PDCD6: variants seen among roughly 807,000 people sequenced by gnomAD.
PDCD6 encodes programmed cell death 6.
A neutral mutation model predicts 28.3 loss-of-function variants in PDCD6; 12 were observed. The observed-to-expected ratio is 0.42, with a 90% confidence interval of 0.27 to 0.69. PDCD6 has a LOEUF of 0.69. Among genes scored for constraint, PDCD6 ranks in the 30% least tolerant of loss-of-function variants. PDCD6 has a pLI of 0.22. For synonymous variants in PDCD6, 92 were observed against 108.0 expected (o/e 0.85, Z 0.92); for missense variants, 226 against 269.9 (o/e 0.84, Z 1.14).
chr5:289,876 A>T, intron 2 of PDCD6: 2 of 1,510,390 alleles, frequency 1.3e-6, no homozygotes, highest in Non-Finnish European at 9.2e-7. Flanking sequence ...AACACCATTC[A>T]TTCGATTTAA....
intron 3 of PDCD6, 73 bp from the exon 4 acceptor site, chr5:306,529 G>GCCA (rs1740498366): frequency 6.5e-7 from 1 of 1,544,860 alleles, no homozygotes; most frequent in Admixed American, 1.7e-5. Context: ...TGAGGGCTGA[G>GCCA]GTCTGGTGGG....
chr5:271,679 T>A lies in PDCD6; in HGVS notation c.-42T>A. On this transcript the variant is annotated 5_prime_UTR_variant, in exon 1 of 6. Coordinates refer to ENST00000264933, the MANE Select transcript of PDCD6 (RefSeq NM_013232.4). ...AAGCGGAGTCGGCCTGAGAGGTCTCTCGTCGCTGCAGGCGCCTCAGCCCAG... is the reference window on the plus strand; with the variant it reads ...AAGCGGAGTCGGCCTGAGAGGTCTCACGTCGCTGCAGGCGCCTCAGCCCAG... The A allele has an allele frequency of 8.3e-7, 1 of 1,206,572 alleles. No individual in the cohort carries two copies. The highest frequency in any genetic ancestry group is 1.2e-6 in the Non-Finnish European group (1 of 848,486). 74.7% of individuals were successfully genotyped at this position (1,206,572 alleles called of 1,614,324 possible).
At chr5:287,376 T>A (rs1380982728) in intron 2 of PDCD6, among the ~76,000 whole-genome samples, 1 of 152,142 alleles carries the variant, frequency 6.6e-6, no homozygotes, top group Non-Finnish European at 1.5e-5. Flanking sequence ...TGTAGCTGAA[T>A]CCCAAGCAAG....
chr5:284,032 T>C (rs2032149278), intron 2 of PDCD6, among the ~76,000 whole-genome samples: 1 of 147,228 alleles, frequency 6.8e-6, no homozygotes, highest in Admixed American at 6.7e-5. Flanking sequence ...GGGTGGAGCT[T>C]ATGTTGTTTG....
chr5:291,087 G>A (rs2126721283), intron 2 of PDCD6, among the ~76,000 whole-genome samples: 1 of 152,246 alleles, frequency 6.6e-6, no homozygotes, highest in Middle Eastern at 3.4e-3. Context: ...CCCTGCCTGA[G>A]TCCCGGGTCC....
chr5:288,602 C>A (rs1414655722), intron 2 of PDCD6, among the ~76,000 whole-genome samples: 12 of 137,368 alleles, frequency 8.7e-5, no homozygotes, highest in Admixed American at 3.5e-4. Flanking sequence ...TTTGCCCAGA[C>A]CAAAAGAAAG....
chr5:311,314 T>A lies in PDCD6; in HGVS notation c.389T>A (p.Phe130Tyr). The change falls in exon 5 of 6, where the codon TTC becomes TAC. Residue 130 changes from phenylalanine (F) to tyrosine (Y), a missense_variant. Phe to Tyr is a conservative substitution (Grantham distance 22). Around this residue, in one of 3 missense-constraint regions of PDCD6, gnomAD observed 151 missense variants for 177.2 expected, o/e 0.85. Transcript: ENST00000264933. ...GAAGGCTACCGGCTCTCTGACCAGT[T>A]CCACGACATCCTCATTCGAAAGTTT... ...SGFGYRLSDQ[F>Y]HDILIRKFDR... is the part of the protein sequence containing the mutation. 1.2e-6 allele frequency: 2 copies of A among 1,614,110 alleles called. No individual in the cohort carries two copies. Among genetic ancestry groups the A allele is most frequent in the Non-Finnish European group, 1.7e-6 (2 of 1,179,986 alleles).
chr5:299,967 G>C (rs1739950109), intron 2 of PDCD6, among the ~76,000 whole-genome samples: 1 of 152,106 alleles, frequency 6.6e-6, no homozygotes, highest in Non-Finnish European at 1.5e-5. Context: ...TAAAGTACAT[G>C]TCCAGTCCCA....
intron 2 of PDCD6, among the ~76,000 whole-genome samples, chr5:281,209 CAA>C (rs1408255032): frequency 6.6e-6 from 1 of 152,198 alleles, no homozygotes; most frequent in Non-Finnish European, 1.5e-5. Context: ...GATTTGAAAA[CAA>C]AACATTTATT....
chr5:272,652 T>A, intron 1 of PDCD6, 59 bp from the exon 2 acceptor site: 1 of 1,539,050 alleles, frequency 6.5e-7, no homozygotes, highest in Non-Finnish European at 8.8e-7. Context: ...CAGAAGACGT[T>A]TGTTTTGCTT....
intron 2 of PDCD6, among the ~76,000 whole-genome samples, chr5:285,522 G>C (rs1197129526): frequency 3.9e-5 from 6 of 151,916 alleles, no homozygotes; most frequent in Non-Finnish European, 5.9e-5. Flanking sequence ...ACCTGGTGGG[G>C]AGCTGATGTT....
intron 2 of PDCD6, among the ~76,000 whole-genome samples, chr5:301,771 C>T (rs1740070441): frequency 6.6e-6 from 1 of 150,450 alleles, no homozygotes; most frequent in South Asian, 2.1e-4. Flanking sequence ...GAGGGTGGGT[C>T]GTGGAGTGCT....
intron 2 of PDCD6, among the ~76,000 whole-genome samples, chr5:294,950 C>T (rs998512109): frequency 1.3e-5 from 2 of 152,102 alleles, no homozygotes; most frequent in African/African-American, 2.4e-5. Context: ...GATGCCGCCA[C>T]GTGACATCTT....
At chr5:299,462 A>G (rs918378565) in intron 2 of PDCD6, among the ~76,000 whole-genome samples, 1 of 151,130 alleles carries the variant, frequency 6.6e-6, no homozygotes, top group African/African-American at 2.4e-5. Context: ...TTCCCAAAAC[A>G]TCTTGGAATT....
At chr5:306,867 G>A (rs1390030304) in intron 4 of PDCD6, 107 bp downstream of exon 4, 31 of 1,188,074 alleles carry the variant, frequency 2.6e-5, no homozygotes, top group African/African-American at 6.0e-5. Flanking sequence ...ACCAGGCTAC[G>A]TAAAGTTTTT....
At chr5:271,867 G>C (rs1343755927) in intron 1 of PDCD6, 46 bp downstream of exon 1, 2 of 1,133,970 alleles carry the variant, frequency 1.8e-6, no homozygotes, top group African/African-American at 3.3e-5. Flanking sequence ...CGCCGCGGCG[G>C]CCCCGACCCC....
At chr5:275,045 C>T in intron 2 of PDCD6, among the ~76,000 whole-genome samples, 1 of 99,060 alleles carries the variant, frequency 1.0e-5, no homozygotes, top group South Asian at 3.3e-4. Context: ...CCCCCTTTAC[C>T]TTGGGCTCTG....
intron 2 of PDCD6, among the ~76,000 whole-genome samples, chr5:295,072 A>C (rs1739524015): frequency 6.6e-6 from 1 of 152,170 alleles, no homozygotes; most frequent in Admixed American, 6.5e-5. Context: ...CCTGCACCTC[A>C]CTGTGGGCTG....
chr5:271,662 T>G lies in PDCD6; in HGVS notation c.-59T>G. 3 of 981,822 alleles carry G rather than the reference T, an allele frequency of 3.1e-6. No individual in the cohort carries two copies. Among genetic ancestry groups the G allele is most frequent in the Non-Finnish European group, 4.7e-6 (3 of 644,906 alleles). The allele number at this position is 981,822 out of a possible 1,614,324, so 60.8% of individuals were successfully genotyped here. On this transcript the variant is annotated 5_prime_UTR_variant, in exon 1 of 6. Coordinates refer to ENST00000264933, the MANE Select transcript of PDCD6 (RefSeq NM_013232.4). ...GCCCCCGGCAGAGGCGGAAGCGGAG[T>G]CGGCCTGAGAGGTCTCTCGTCGCTG...
Sources: allele counts gnomAD v4.1 joint callset (sites outside exome capture counted in the v4.1 genomes callset), GRCh38; gene constraint gnomAD v4.1.1; regional missense constraint gnomAD v4.1.1; transcripts MANE v1.5; gene names NCBI Gene and HGNC (gene_info 2026-07-23, HGNC 2026-07-21).